SLC4A10: variants seen among roughly 807,000 people sequenced by gnomAD.
SLC4A10 encodes the protein sodium-driven chloride bicarbonate exchanger.
A neutral mutation model predicts 137.7 loss-of-function variants in SLC4A10; 42 were observed. The observed-to-expected ratio is 0.30, with a 90% CI of 0.24 to 0.39. The LOEUF is 0.39. Ranked by LOEUF, SLC4A10 falls within the 10% of genes least tolerant of loss-of-function variation. The probability of loss-of-function intolerance (pLI) is 1.00; values close to 1 mark genes in which losing one functional copy is unlikely to be tolerated. For missense variants in SLC4A10, 925 were observed against 1,355.0 expected (o/e 0.68, Z 4.98); for synonymous variants, 474 against 464.1 (o/e 1.02, Z -0.27).
chr2:161,802,943 T>C (rs1355542845), intron 2 of SLC4A10, among the ~76,000 whole-genome samples: 1 of 152,138 alleles, frequency 6.6e-6, no homozygotes, highest in Non-Finnish European at 1.5e-5. Context: ...CATTTGGGGT[T>C]GGGACTTTAA....
intron 1 of SLC4A10, among the ~76,000 whole-genome samples, chr2:161,637,130 TAA>T (rs1374638714): frequency 1.0e-4 from 15 of 147,590 alleles, no homozygotes; most frequent in Non-Finnish European, 7.4e-5. Flanking sequence ...TCTATATACA[TAA>T]ATACGTATTT....
intron 1 of SLC4A10, among the ~76,000 whole-genome samples, chr2:161,723,957 T>G (rs182424409): frequency 6.6e-6 from 1 of 152,354 alleles, no homozygotes; most frequent in Non-Finnish European, 1.5e-5. Context: ...TATCTCAAAC[T>G]TGATATGTAT....
chr2:161,658,376 G>A (rs1470114744), intron 1 of SLC4A10, among the ~76,000 whole-genome samples: 1 of 152,140 alleles, frequency 6.6e-6, no homozygotes, highest in Non-Finnish European at 1.5e-5. Flanking sequence ...GTAGGAGAAA[G>A]CATTCTTGAA....
rs541106227 is a variant in SLC4A10 at position 161,669,689 on chromosome 2, C to T, written c.48+45123C>T. Among the ~76,000 whole-genome samples, 4 of 151,984 alleles carry T rather than the reference C, an allele frequency of 2.6e-5. No individual in the cohort carries two copies. In the East Asian group the frequency reaches 5.8e-4, roughly 22 times the overall value. The stretch of plus-strand genomic sequence containing the variant: ...GATATTTTAAAATATGATTAACCTT[C>T]GCTATTTATTTAGGGCAGGCAGAGG... On this transcript the variant is annotated intron_variant, in intron 1 of 26. Coordinates refer to ENST00000446997, the MANE Select transcript of SLC4A10 (RefSeq NM_001178015.2).
At chr2:161,830,712 T>C (rs1302023170) in intron 3 of SLC4A10, among the ~76,000 whole-genome samples, 3 of 152,136 alleles carry the variant, frequency 2.0e-5, no homozygotes, top group Admixed American at 2.0e-4. Context: ...TTTAAATAAA[T>C]TAATATTTGT....
chr2:161,747,861 A>T (rs1313402694), intron 1 of SLC4A10, among the ~76,000 whole-genome samples: 1 of 152,092 alleles, frequency 6.6e-6, no homozygotes, highest in Non-Finnish European at 1.5e-5. Flanking sequence ...TTTTTTTGAG[A>T]AAAGCTCCAT....
chr2:161,802,809 CAA>C (rs918557965), intron 2 of SLC4A10, among the ~76,000 whole-genome samples: 8 of 152,066 alleles, frequency 5.3e-5, no homozygotes, highest in African/African-American at 1.7e-4. Context: ...GGACAGAGAG[CAA>C]GAGAGGTAGC....
intron 8 of SLC4A10, 55 bp from the exon 9 acceptor site, chr2:161,879,076 A>T (rs1203765204): frequency 2.6e-6 from 4 of 1,549,676 alleles, no homozygotes; most frequent in Admixed American, 1.7e-5. Context: ...CAAGAATATG[A>T]TTTACCAGAT....
At chr2:161,679,586 C>T (rs1464224246) in intron 1 of SLC4A10, among the ~76,000 whole-genome samples, 1 of 151,800 alleles carries the variant, frequency 6.6e-6, no homozygotes, top group Admixed American at 6.6e-5. Context: ...TTTTTTCCCT[C>T]AGTTTCTCAT....
intron 11 of SLC4A10, among the ~76,000 whole-genome samples, chr2:161,897,319 G>A (rs2063605536): frequency 6.6e-6 from 1 of 152,004 alleles, no homozygotes; most frequent in African/African-American, 2.4e-5. Context: ...TACTGAATCT[G>A]CCTCCCACAA....
At chr2:161,755,357 G>A (rs2049497958) in intron 1 of SLC4A10, among the ~76,000 whole-genome samples, 2 of 152,130 alleles carry the variant, frequency 1.3e-5, no homozygotes, top group Non-Finnish European at 2.9e-5. Flanking sequence ...ACAGAAGACG[G>A]AGGAATCTGA....
chr2:161,778,740 C>G (rs917394185), intron 2 of SLC4A10, among the ~76,000 whole-genome samples: 1 of 151,726 alleles, frequency 6.6e-6, no homozygotes, highest in African/African-American at 2.4e-5. Context: ...ATAATAAAAT[C>G]TTGGCCTGCA....
intron 18 of SLC4A10, 33 bp downstream of exon 18, chr2:161,949,294 T>C: frequency 7.2e-7 from 1 of 1,385,214 alleles, no homozygotes; most frequent in Non-Finnish European, 1.0e-6. Context: ...TTCCCATCTC[T>C]CTCGGTCTAA....
intron 5 of SLC4A10, among the ~76,000 whole-genome samples, chr2:161,859,604 T>TTTC (rs1559404246): frequency 3.4e-4 from 42 of 124,064 alleles, no homozygotes; most frequent in African/African-American, 1.2e-3. Flanking sequence ...CTTTTTTTTT[T>TTTC]TTTTTTTTTT....
chr2:161,910,589 C>T (rs1355837453), intron 15 of SLC4A10, among the ~76,000 whole-genome samples: 1 of 151,956 alleles, frequency 6.6e-6, no homozygotes, highest in Non-Finnish European at 1.5e-5. Context: ...GTTTTGTAAT[C>T]GATTGGGTCA....
chr2:161,680,029 A>G (rs2040678825), intron 1 of SLC4A10, among the ~76,000 whole-genome samples: 1 of 152,040 alleles, frequency 6.6e-6, no homozygotes, highest in Non-Finnish European at 1.5e-5. Flanking sequence ...ATTCACTATG[A>G]TACTTCATGC....
intron 11 of SLC4A10, among the ~76,000 whole-genome samples, chr2:161,898,728 G>A (rs998112208): frequency 6.6e-6 from 1 of 151,920 alleles, no homozygotes; most frequent in Non-Finnish European, 1.5e-5. Context: ...CTCTCATGTC[G>A]TGTACTTGCT....
intron 2 of SLC4A10, among the ~76,000 whole-genome samples, chr2:161,776,319 A>G (rs2052326022): frequency 6.6e-6 from 1 of 151,912 alleles, no homozygotes; most frequent in South Asian, 2.1e-4. Context: ...GAATTTTTTC[A>G]TCTTGCAAAA....
At chr2:161,790,251 A>G (rs2125528606) in intron 2 of SLC4A10, among the ~76,000 whole-genome samples, 1 of 152,326 alleles carries the variant, frequency 6.6e-6, no homozygotes, top group Non-Finnish European at 1.5e-5. Context: ...CCATTGAACT[A>G]AGATTTATTC....
Sources: gnomAD v4.1 joint callset for allele counts (sites outside exome capture counted in the v4.1 genomes callset) on GRCh38, gnomAD v4.1.1 for gene constraint, MANE v1.5 for transcripts, NCBI Gene and HGNC (gene_info 2026-07-23, HGNC 2026-07-21) for gene names.